Variants in SIK3 observed in about 807,000 individuals in gnomAD.
SIK3 encodes the protein serine/threonine-protein kinase SIK3.
In SIK3, 28 loss-of-function variants were observed where a neutral mutation model predicts 144.2. The ratio of observed to expected loss-of-function variants is 0.19; its 90% CI spans 0.14 to 0.27. SIK3 has a LOEUF of 0.27. SIK3 is among the 10% of genes least tolerant of loss of function. The pLI, the probability that SIK3 is intolerant of heterozygous loss-of-function variation, is 1.00. For missense variants in SIK3, 1,319 were observed against 1,776.0 expected, an observed-to-expected ratio of 0.74 and a Z score of 4.62; for synonymous variants, 686 against 676.3, an observed-to-expected ratio of 1.01 and a Z score of -0.22.
chr11:116,964,818 G>T (rs552565321), intron 1 of SIK3, among the ~76,000 whole-genome samples: 18 of 152,156 alleles, frequency 1.2e-4, no homozygotes, highest in African/African-American at 3.4e-4. Context: ...GGAGGCGGAG[G>T]TTGCAGTGAG....
At chr11:116,996,036 AGTGGTTCAT>A (rs1365954178) in intron 1 of SIK3, among the ~76,000 whole-genome samples, 1 of 152,148 alleles carries the variant, frequency 6.6e-6, no homozygotes, top group African/African-American at 2.4e-5. Context: ...GGCTGGGTGC[AGTGGTTCAT>A]GCCTATAATC....
chr11:116,848,672 T>A (rs1019273474), intron 22 of SIK3, among the ~76,000 whole-genome samples: 1 of 152,222 alleles, frequency 6.6e-6, no homozygotes, highest in Non-Finnish European at 1.5e-5. Context: ...ATTTGGAGCA[T>A]AGATTCTACT....
chr11:117,015,565 C>T (rs2135710042), intron 1 of SIK3, among the ~76,000 whole-genome samples: 1 of 141,254 alleles, frequency 7.1e-6, no homozygotes, highest in East Asian at 2.0e-4. Flanking sequence ...ACATACAACC[C>T]CATGTCCAGC....
intron 1 of SIK3, among the ~76,000 whole-genome samples, chr11:117,053,859 C>T (rs1351267755): frequency 6.6e-6 from 1 of 152,168 alleles, no homozygotes; most frequent in African/African-American, 2.4e-5. Context: ...ATTGCCCAGG[C>T]TGGTCTCGAA....
Position 116,843,472 on chromosome 11 carries a change from T to C in SIK3, c.*2171A>G, listed in dbSNP as rs1315477255. 2 of 152,132 alleles carry C rather than the reference T, an allele frequency of 1.3e-5. No homozygotes were observed. Among genetic ancestry groups the C allele is most frequent in the Non-Finnish European group, 2.9e-5 (2 of 68,020 alleles). The allele number at this position is 152,132 out of a possible 1,614,324, so 9.4% of individuals were successfully genotyped here. A position where few individuals can be genotyped will look rare whatever the true frequency, so the allele number is the denominator to read the frequency against. On this transcript the variant is annotated 3_prime_UTR_variant, in exon 25 of 25. Transcript: ENST00000445177. ...CAACATAAAATGAGAAAGAAAAAAA[T>C]ATTTCTGACATTTTCAAAGAACAGA...
At chr11:117,089,952 G>A (rs1458926857) in intron 1 of SIK3, among the ~76,000 whole-genome samples, 1 of 152,046 alleles carries the variant, frequency 6.6e-6, no homozygotes, top group Non-Finnish European at 1.5e-5. Flanking sequence ...TGTCTACCAC[G>A]GATCACACAC....
In SIK3 at chr11:116,860,314, G is replaced by A. The variant is rs148752364; in HGVS notation, c.2426-710C>T. Among the ~76,000 whole-genome samples the A allele has an allele frequency of 9.9e-4, 151 of 152,162 alleles. 1 individual carries two copies. The highest frequency in any genetic ancestry group is 3.6e-3 in the African/African-American group (148 of 41,524). On this transcript the variant is annotated intron_variant, in intron 19 of 24. Coordinates refer to ENST00000445177, the MANE Select transcript of SIK3 (RefSeq NM_001366686.3). ...GATCTTACTTTTTCTCCCAATATTG[G>A]TGGCTGGGGGACCCCACTTTAAGTA...
At chr11:116,875,485 T>C (rs1396588137) in intron 9 of SIK3, 34 bp from the exon 10 acceptor site, 1 of 1,589,898 alleles carries the variant, frequency 6.3e-7, no homozygotes, top group South Asian at 1.1e-5. Flanking sequence ...CACGCATACC[T>C]TTAACACTAG....
At chr11:116,896,493 T>C (rs1301679204) in intron 5 of SIK3, 117 bp from the exon 6 acceptor site, 13 of 1,118,434 alleles carry the variant, frequency 1.2e-5, no homozygotes, top group East Asian at 2.7e-5. Context: ...GAACAAACTT[T>C]TTCTTCCATC....
At chr11:116,947,239 TA>T (rs1948691915) in intron 3 of SIK3, among the ~76,000 whole-genome samples, 1 of 100,112 alleles carries the variant, frequency 1.0e-5, no homozygotes, top group African/African-American at 4.2e-5. Flanking sequence ...TTATATATTT[TA>T]TATATAATTA....
At chr11:116,916,924 G>A (rs1946674886) in intron 4 of SIK3, among the ~76,000 whole-genome samples, 1 of 151,810 alleles carries the variant, frequency 6.6e-6, no homozygotes, top group Non-Finnish European at 1.5e-5. Context: ...AGGCGACAGA[G>A]CGAGACCTCA....
At chr11:117,023,295 T>G (rs1951848874) in intron 1 of SIK3, among the ~76,000 whole-genome samples, 1 of 152,214 alleles carries the variant, frequency 6.6e-6, no homozygotes, top group Non-Finnish European at 1.5e-5. Flanking sequence ...AGTTCCCTTA[T>G]CTGCCTAAAT....
chr11:117,011,202 A>T (rs1350947987), intron 1 of SIK3, among the ~76,000 whole-genome samples: 1 of 152,206 alleles, frequency 6.6e-6, no homozygotes, highest in Non-Finnish European at 1.5e-5. Context: ...TGAAATCTGC[A>T]ATCTCCACAC....
intron 1 of SIK3, among the ~76,000 whole-genome samples, chr11:116,993,569 G>T (rs896975408): frequency 6.6e-6 from 1 of 152,026 alleles, no homozygotes; most frequent in Non-Finnish European, 1.5e-5. Context: ...AAAAAGTATA[G>T]AGGAGCAGAT....
At chr11:116,953,279 TA>T (rs765463298) in intron 3 of SIK3, among the ~76,000 whole-genome samples, 8 of 152,314 alleles carry the variant, frequency 5.3e-5, no homozygotes, top group African/African-American at 1.4e-4. Flanking sequence ...AAATTTTTTT[TA>T]AAATGAGGAA....
intron 1 of SIK3, among the ~76,000 whole-genome samples, chr11:117,013,906 G>T (rs1565556580): frequency 0.024 from 1,500 of 62,088 alleles, 91 homozygotes; most frequent in African/African-American, 0.049. Context: ...CTGAGGGGGG[G>T]GGGGGGAGGG....
chr11:116,961,031 G>A (rs1949329319), intron 1 of SIK3, among the ~76,000 whole-genome samples: 1 of 152,196 alleles, frequency 6.6e-6, no homozygotes, highest in African/African-American at 2.4e-5. Context: ...CAGCTGATGT[G>A]GGAAGAACAT....
At chr11:116,931,227 A>C (rs939643264) in intron 3 of SIK3, among the ~76,000 whole-genome samples, 1 of 152,212 alleles carries the variant, frequency 6.6e-6, no homozygotes, top group Admixed American at 6.5e-5. Flanking sequence ...TGAATTTTCT[A>C]AAGTATTAGA....
At chr11:117,091,957 A>C (rs1565635463) in intron 1 of SIK3, among the ~76,000 whole-genome samples, 1 of 151,876 alleles carries the variant, frequency 6.6e-6, no homozygotes, top group Non-Finnish European at 1.5e-5. Context: ...TAATTTTTAA[A>C]TTGTTTGTAG....
Sources: gnomAD v4.1 joint callset for allele counts (sites outside exome capture counted in the v4.1 genomes callset) on GRCh38, gnomAD v4.1.1 for gene constraint, MANE v1.5 for transcripts, NCBI Gene and HGNC (gene_info 2026-07-23, HGNC 2026-07-21) for gene names.